POFUT2: variants seen among roughly 807,000 people sequenced by gnomAD.
POFUT2 encodes GDP-fucose protein O-fucosyltransferase 2.
In POFUT2, 30 loss-of-function variants were observed where a neutral mutation model predicts 55.0. The ratio of observed to expected loss-of-function variants is 0.55; its 90% confidence interval spans 0.41 to 0.74. The LOEUF (loss-of-function observed/expected upper bound fraction) is 0.74. Among genes scored for constraint, POFUT2 ranks in the 30% least tolerant of loss-of-function variants. POFUT2 has a pLI of 0.00. For synonymous variants in POFUT2, 267 were observed against 231.1 expected, an observed-to-expected ratio of 1.16 and a Z score of -1.41; for missense variants, 524 against 562.6, an observed-to-expected ratio of 0.93 and a Z score of 0.69.
chr21:45,276,430 TTTTG>T (rs1049542570), intron 6 of POFUT2, among the ~76,000 whole-genome samples: 8 of 152,162 alleles, frequency 5.3e-5, no homozygotes, highest in Non-Finnish European at 1.0e-4. Flanking sequence ...TCTATGAAAG[TTTTG>T]TTTAAAAAAC....
At chr21:45,278,783 G>A (rs1264805668) in intron 4 of POFUT2, among the ~76,000 whole-genome samples, 1 of 152,240 alleles carries the variant, frequency 6.6e-6, no homozygotes, top group Non-Finnish European at 1.5e-5. Context: ...ACGTCCTGGG[G>A]TTATTTCAGA....
At position 45,265,277 on chromosome 21, in the gene POFUT2, A is replaced by G; in HGVS notation, c.*205T>C. The G allele has an allele frequency of 7.1e-6, 3 of 420,146 alleles. No homozygotes were observed. Among genetic ancestry groups the G allele is most frequent in the South Asian group, 7.4e-5 (1 of 13,522 alleles). 26.0% of individuals were successfully genotyped at this position (420,146 alleles called of 1,614,324 possible). A position where few individuals can be genotyped will look rare whatever the true frequency, so the allele number is the denominator to read the frequency against. On this transcript the variant is annotated 3_prime_UTR_variant, in exon 9 of 9. Transcript: ENST00000349485. The surrounding 1 kb of genome is among the most constrained non-coding windows in gnomAD (Gnocchi z 4.6). ...CAACCGCCACCCCCGAGAGCAGCGG[A>G]GCCTCTTCATCAGCCATGGCGGCTG...
At chr21:45,273,118 A>G (rs963012214) in intron 6 of POFUT2, among the ~76,000 whole-genome samples, 1 of 152,256 alleles carries the variant, frequency 6.6e-6, no homozygotes, top group Non-Finnish European at 1.5e-5. Context: ...TTCTCTGAAA[A>G]GATAAACAAC....
chr21:45,268,860 T>C (rs1250113700), intron 7 of POFUT2, among the ~76,000 whole-genome samples: 1 of 65,094 alleles, frequency 1.5e-5, no homozygotes. Flanking sequence ...GGGAGGGAGG[T>C]GGGGGGGTCA....
chr21:45,287,730 C>T lies in POFUT2; in HGVS notation c.131+11G>A. 7.0e-7 allele frequency: 1 copy of T among 1,429,610 alleles called. No homozygotes were observed. The highest frequency in any genetic ancestry group is 9.2e-7 in the Non-Finnish European group (1 of 1,081,328). 88.6% of individuals were successfully genotyped at this position (1,429,610 alleles called of 1,614,324 possible). ...GGAACCCCAGCGTTGGCACCGTGGA[C>T]GCGCGTTTACCGTCTGCGGGAAGCC... On this transcript the variant is annotated intron_variant, in intron 1 of 8. Coordinates refer to ENST00000349485, the MANE Select transcript of POFUT2 (RefSeq NM_133635.6).
At chr21:45,286,787 G>A (rs879878066) in intron 1 of POFUT2, among the ~76,000 whole-genome samples, 3 of 151,936 alleles carry the variant, frequency 2.0e-5, no homozygotes, top group Admixed American at 1.3e-4. Context: ...CGTCGCGAGT[G>A]AAGCTGCGTG....
In POFUT2 at chr21:45,281,734, A is replaced by G. The variant is rs1290079247; in HGVS notation, c.638+615T>C. ...TCACAGTGCCTGCTGGGGGATTCAGAAGACCCAAGGGAGGTGACGGAGAGG... is the reference window on the plus strand; with the variant it reads ...TCACAGTGCCTGCTGGGGGATTCAGGAGACCCAAGGGAGGTGACGGAGAGG... On this transcript the variant is annotated intron_variant, in intron 4 of 8. Coordinates refer to ENST00000349485, the MANE Select transcript of POFUT2 (RefSeq NM_133635.6). The surrounding 1 kb of genome is among the most constrained non-coding windows in gnomAD (Gnocchi z 5.0). Among the ~76,000 whole-genome samples, 1 of 151,976 alleles carries G rather than the reference A, an allele frequency of 6.6e-6. No homozygotes were observed. Among genetic ancestry groups the G allele is most frequent in the Non-Finnish European group, 1.5e-5 (1 of 67,996 alleles).
chr21:45,285,890 T>C lies in POFUT2; in HGVS notation c.170A>G (p.Asn57Ser), dbSNP rs2031347842. Residue 57 changes from asparagine (N) to serine (S), a missense_variant, in exon 2 of 9, where the codon AAC (asparagine) becomes AGC (serine). Asn to Ser is a conservative substitution (Grantham distance 46). This residue lies in a region of POFUT2 where 274 missense variants were observed against 244.4 expected (regional missense o/e 1.12). Coordinates refer to ENST00000349485, the MANE Select transcript of POFUT2 (RefSeq NM_133635.6). The surrounding 1 kb of genome is among the most constrained non-coding windows in gnomAD (Gnocchi z 4.9). ...TCGGATATAGACATCCCTGCGCAGGTTGAAGCCTTCCGGGGGGTTGACGTC... is the reference window on the plus strand; with the variant it reads ...TCGGATATAGACATCCCTGCGCAGGCTGAAGCCTTCCGGGGGGTTGACGTC... ...LYDVNPPEGF[N>S]LRRDVYIRIA... 10 of 1,612,082 alleles carry C rather than the reference T, an allele frequency of 6.2e-6. No individual in the cohort carries two copies. Among genetic ancestry groups the C allele is most frequent in the Non-Finnish European group, 7.6e-6 (9 of 1,179,526 alleles).
intron 6 of POFUT2, among the ~76,000 whole-genome samples, chr21:45,274,309 C>T (rs1167714527): frequency 6.6e-6 from 1 of 152,136 alleles, no homozygotes; most frequent in East Asian, 1.9e-4. Context: ...TGAAAGAATT[C>T]ATAGACAACA....
At chr21:45,287,676 C>CCAACCCAACA in intron 1 of POFUT2, 65 bp downstream of exon 1, 35 of 1,181,440 alleles carry the variant, frequency 3.0e-5, no homozygotes, top group Non-Finnish European at 3.3e-5. Flanking sequence ...GCCCCGCCCC[C>CCAACCCAACA]ATCCCATCCT....
At chr21:45,276,969 C>T in intron 6 of POFUT2, 48 bp downstream of exon 6, 1 of 1,601,646 alleles carries the variant, frequency 6.2e-7, no homozygotes, top group South Asian at 1.1e-5. Context: ...GGGGCATCTC[C>T]AGAGAGACTT....
intron 8 of POFUT2, chr21:45,266,892 C>G (rs945714924): frequency 1.5e-5 from 15 of 1,013,260 alleles, no homozygotes; most frequent in Non-Finnish European, 1.7e-5. Flanking sequence ...CCGTTTCACC[C>G]TAACCCCAGC....
intron 1 of POFUT2, 22 bp downstream of exon 1, chr21:45,287,719 G>T: frequency 7.7e-7 from 1 of 1,305,638 alleles, no homozygotes; most frequent in South Asian, 1.5e-5. Flanking sequence ...CCCCAGCGTT[G>T]GCACCGTGGA....
Position 45,282,993 on chromosome 21 carries a change from A to G in POFUT2, c.527+390T>C. 1 of 460,460 alleles carries G rather than the reference A, an allele frequency of 2.2e-6. No homozygotes were observed. Among genetic ancestry groups the G allele is most frequent in the Non-Finnish European group, 4.5e-6 (1 of 221,406 alleles). The allele number at this position is 460,460 out of a possible 1,614,324, so 28.5% of individuals were successfully genotyped here. ...CACAGGGAAAGAGGCACGGGGTCTC[A>G]GCCAGATGTTCATCACGGCCCATTC... On this transcript the variant is annotated intron_variant, in intron 3 of 8. Coordinates refer to ENST00000349485, the MANE Select transcript of POFUT2 (RefSeq NM_133635.6). The surrounding 1 kb of genome is among the most constrained non-coding windows in gnomAD (Gnocchi z 4.6).
In POFUT2 at chr21:45,285,809, G is replaced by A; in HGVS notation, c.251C>T (p.Pro84Leu). The change falls in exon 2 of 9, where the codon CCT (proline) becomes CTT (leucine). Residue 84 changes from proline (P) to leucine (L), a missense_variant. Around this residue, in one of 2 missense-constraint regions of POFUT2, gnomAD observed 274 missense variants for 244.4 expected, o/e 1.12. Coordinates refer to ENST00000349485, the MANE Select transcript of POFUT2 (RefSeq NM_133635.6). The surrounding 1 kb of genome is among the most constrained non-coding windows in gnomAD (Gnocchi z 4.9). ...LKTEEWVLVL[P>L]PWGRLYHWQS... ...CCAGTGATAGAGGCGGCCCCATGGA[G>A]GCAGGACAAGCACCCACTCCTCCGT... 1 of 1,613,636 alleles carries A rather than the reference G, an allele frequency of 6.2e-7. No individual in the cohort carries two copies. The highest frequency in any genetic ancestry group is 2.2e-5 in the East Asian group (1 of 44,882).
chr21:45,275,304 C>T (rs1299654428), intron 6 of POFUT2, among the ~76,000 whole-genome samples: 3 of 152,336 alleles, frequency 2.0e-5, no homozygotes, highest in East Asian at 3.9e-4. Context: ...GAAAGGGATA[C>T]TGCGACACTC....
At position 45,267,792 on chromosome 21, in the gene POFUT2, T is replaced by G. The variant is rs1480395064; in HGVS notation, c.1013-79A>C. On this transcript the variant is annotated intron_variant, in intron 7 of 8. Coordinates refer to ENST00000349485, the MANE Select transcript of POFUT2 (RefSeq NM_133635.6). This position sits in a 1 kb window ranked among gnomAD's most constrained non-coding sequence, Gnocchi z 4.4. The stretch of plus-strand genomic sequence containing the variant: ...TACGTGACTCTTTAGCAGACAGACA[T>G]GCGTACTTGGCTTCTGGTTAATTCG... 21 of 1,290,396 alleles carry G rather than the reference T, an allele frequency of 1.6e-5. No homozygotes were observed. Among genetic ancestry groups the G allele is most frequent in the Non-Finnish European group, 2.2e-5 (20 of 905,334 alleles). The allele number at this position is 1,290,396 out of a possible 1,614,324, so 79.9% of individuals were successfully genotyped here.
intron 7 of POFUT2, among the ~76,000 whole-genome samples, chr21:45,268,683 T>C (rs2093182399): frequency 6.7e-6 from 1 of 148,434 alleles, no homozygotes; most frequent in African/African-American, 2.5e-5. Flanking sequence ...CGACCCCGTC[T>C]GGGAGGTGAG....
intron 3 of POFUT2, 45 bp downstream of exon 3, chr21:45,283,338 A>ACCTGCGGCAGGGGGG: frequency 1.6e-6 from 1 of 614,264 alleles, no homozygotes; most frequent in South Asian, 2.7e-5. Flanking sequence ...CGGCAGGGGG[A>ACCTGCGGCAGGGGGG]GGTGGGGGGG....
Sources: allele counts gnomAD v4.1 joint callset (sites outside exome capture counted in the v4.1 genomes callset), GRCh38; gene constraint gnomAD v4.1.1; regional missense constraint gnomAD v4.1.1; non-coding constraint Gnocchi (gnomAD v3.1); transcripts MANE v1.5; gene names NCBI Gene and HGNC (gene_info 2026-07-23, HGNC 2026-07-21).